HR: variants seen among roughly 807,000 people sequenced by gnomAD.
HR encodes the protein HR lysine demethylase and nuclear receptor corepressor, also known as lysine-specific demethylase hairless.
In HR, 83 loss-of-function variants were observed where a neutral mutation model predicts 128.6. The observed-to-expected ratio is 0.65, with a 90% confidence interval of 0.54 to 0.77. The LOEUF is 0.77. HR is among the 30% of genes least tolerant of loss of function. HR has a pLI of 0.00. For synonymous variants in HR, 681 were observed against 658.2 expected (o/e 1.03, Z -0.53); for missense variants, 1,490 against 1,574.6 (o/e 0.95, Z 0.91).
At chr8:22,118,653 A>C in intron 16 of HR, 2 of 466,858 alleles carry the variant, frequency 4.3e-6, no homozygotes, top group South Asian at 4.9e-5. Context: ...TGAGACGGGT[A>C]ACAGATAATT....
In HR at chr8:22,125,622, C is replaced by T. The variant is rs1470837060; in HGVS notation, c.1516G>A (p.Glu506Lys). Residue 506 changes from glutamate (E) to lysine (K), a missense_variant, in exon 4 of 19, where the codon GAG becomes AAG. By Grantham distance (56) the Glu-to-Lys change is moderately conservative. Around this residue, in one of 3 missense-constraint regions of HR, gnomAD observed 1,060 missense variants for 1,060.9 expected, o/e 1.00. Transcript: ENST00000381418. ...QCQSCAQAAG[E>K]GGGHACHSQQ... ...GAGTGGCAGGCGTGCCCTCCTCCCT[C>T]TCCAGCTGCCTGGGCACAACTTTGG... 1 of 1,608,932 alleles carries T rather than the reference C, an allele frequency of 6.2e-7. No homozygotes were observed. Among genetic ancestry groups the T allele is most frequent in the Non-Finnish European group, 8.5e-7 (1 of 1,178,278 alleles).
chr8:22,129,795 C>T (rs1035653904), intron 1 of HR, among the ~76,000 whole-genome samples: 10 of 151,590 alleles, frequency 6.6e-5, no homozygotes, highest in Non-Finnish European at 1.2e-4. Context: ...CAGCCAGGGC[C>T]GCTGGCTGTG....
Position 22,116,640 on chromosome 8 carries a change from C to A in HR, c.3379-212G>T, listed in dbSNP as rs1043402747. ...AGAGACCCTAAAGTCTCCCTGCGAGCCCCCTGACATCAGCATGCCCAGGAG... is the reference window on the plus strand; with the variant it reads ...AGAGACCCTAAAGTCTCCCTGCGAGACCCCTGACATCAGCATGCCCAGGAG... On this transcript the variant is annotated intron_variant, in intron 17 of 18. Coordinates refer to ENST00000381418, the MANE Select transcript of HR (RefSeq NM_005144.5). The surrounding 1 kb of genome is among the most constrained non-coding windows in gnomAD (Gnocchi z 4.2). 3.3e-5 allele frequency among the ~76,000 whole-genome samples: 5 copies of A among 152,112 alleles called. No homozygotes were observed. Among genetic ancestry groups the A allele is most frequent in the African/African-American group, 1.2e-4 (5 of 41,390 alleles).
intron 11 of HR, 22 bp from the exon 12 acceptor site, chr8:22,120,529 G>C: frequency 6.2e-7 from 1 of 1,613,044 alleles, no homozygotes; most frequent in Non-Finnish European, 8.5e-7. Flanking sequence ...AAGGAAGGAG[G>C]CCATGAGGAG....
rs1323297785 is a variant in HR, at chr8:22,120,099, C to A, written c.2846+5G>T. 6.3e-7 allele frequency: 1 copy of A among 1,583,602 alleles called. No homozygotes were observed. Among genetic ancestry groups the A allele is most frequent in the Non-Finnish European group, 8.6e-7 (1 of 1,165,558 alleles). ...GGTAGGGCTGGCCCTTGGTGACATA[C>A]ACACCTGCTGGTGTCCTCATCCCCC... On this transcript the variant is annotated splice_donor_5th_base_variant and intron_variant, in intron 13 of 18. Coordinates refer to ENST00000381418, the MANE Select transcript of HR (RefSeq NM_005144.5).
rs779110440 is a variant in HR at position 22,121,658 on chromosome 8, G to A, written c.2158C>T (p.Pro720Ser). 3 of 1,614,176 alleles carry A rather than the reference G, an allele frequency of 1.9e-6. 1 individual carries two copies. Among genetic ancestry groups the A allele is most frequent in the Middle Eastern group, 1.7e-4 (1 of 6,060 alleles). ...CTGTGGGTGTCGCCATTGCAGGAAG[G>A]TTGTGGAGTTGGGGGCGTTTTCTGT... ...STQKTPPTPQ[P>S]SCNGDTHRTK... The change falls in exon 9 of 19, where the codon CCT becomes TCT. Residue 720 changes from proline to serine, a missense_variant. By Grantham distance (74) the Pro-to-Ser change is moderately conservative. Around this residue, in one of 3 missense-constraint regions of HR, gnomAD observed 1,060 missense variants for 1,060.9 expected, o/e 1.00. Transcript: ENST00000381418.
intron 7 of HR, 45 bp from the exon 8 acceptor site, chr8:22,122,653 A>G: frequency 2.6e-6 from 4 of 1,531,040 alleles, no homozygotes; most frequent in Non-Finnish European, 3.6e-6. Flanking sequence ...TGGTGAGTGT[A>G]GACCAACAGG....
At chr8:22,123,617 T>TGGGGCCCCCCCC in intron 6 of HR, 32 bp downstream of exon 6, 1 of 292,092 alleles carries the variant, frequency 3.4e-6, no homozygotes, top group Non-Finnish European at 6.2e-6. Context: ...GAGGGCTCCA[T>TGGGGCCCCCCCC]CCCGCCCTCC....
Position 22,115,595 on chromosome 8 carries a change from C to A in HR, c.*105G>T, listed in dbSNP as rs939419430. 6 of 1,007,062 alleles carry A rather than the reference C, an allele frequency of 6.0e-6. No homozygotes were observed. Among genetic ancestry groups the A allele is most frequent in the Non-Finnish European group, 9.3e-6 (6 of 643,128 alleles). 62.4% of individuals were successfully genotyped at this position (1,007,062 alleles called of 1,614,324 possible). ...CCCAGAGTGGTGCTTGTGGGGTTGA[C>A]CAGAAATCCCCAAGTCCCCTAGCGC... On this transcript the variant is annotated 3_prime_UTR_variant, in exon 19 of 19. Transcript: ENST00000381418.
At chr8:22,125,786 C>A in intron 3 of HR, 54 bp from the exon 4 acceptor site, 1 of 1,598,270 alleles carries the variant, frequency 6.3e-7, no homozygotes, top group Non-Finnish European at 8.5e-7. Flanking sequence ...TGCTGAGAAC[C>A]CCATTCCTCA....
rs762771978 is a variant in HR, at chr8:22,120,830, G to A, written c.2496C>T (p.Leu832=). ...PGLRKGLGLP[L]SPVRPRLPPP... ...GAGGCAGCCGGGGCCGCACTGGAGA[G>A]AGGGGCAGGCCCAGGCCCTTGCGCA... The change falls in exon 11 of 19, where the codon CTC becomes CTT. Residue 832 remains leucine, a synonymous_variant. Transcript: ENST00000381418. 1.3e-6 allele frequency: 2 copies of A among 1,551,552 alleles called. No homozygotes were observed. The highest frequency in any genetic ancestry group is 4.9e-5 in the East Asian group (2 of 41,066).
intron 14 of HR, 131 bp from the exon 15 acceptor site, chr8:22,119,414 G>A: frequency 2.3e-6 from 3 of 1,307,946 alleles, no homozygotes; most frequent in Middle Eastern, 1.9e-4. Flanking sequence ...TTTGAGACCA[G>A]CCTCAACATG....
Position 22,120,923 on chromosome 8 carries a change from G to T in HR, c.2403C>A (p.Ile801=). The change falls in exon 11 of 19, where the codon ATC becomes ATA. Residue 801 remains isoleucine (I), a synonymous_variant. Coordinates refer to ENST00000381418, the MANE Select transcript of HR (RefSeq NM_005144.5). ...DRITNILDSI[I]AQVVERKIQE... Reference sequence around the variant, plus strand: ...GGATCTTCCGTTCCACCACCTGTGCGATAATGCTGTCCAGGATGTTGGTGA... The same window carrying T: ...GGATCTTCCGTTCCACCACCTGTGCTATAATGCTGTCCAGGATGTTGGTGA... 6.4e-7 allele frequency: 1 copy of T among 1,572,180 alleles called. No individual in the cohort carries two copies. Among genetic ancestry groups the T allele is most frequent in the Non-Finnish European group, 8.6e-7 (1 of 1,158,350 alleles).
Position 22,115,635 on chromosome 8 carries a change from G to T in HR, c.*65C>A. ...TCCCCTAGCGCCATCCCCTGCTGAAGTTGTGCCTGGGCTGAGCACCTGGTC... is the reference window on the plus strand; with the variant it reads ...TCCCCTAGCGCCATCCCCTGCTGAATTTGTGCCTGGGCTGAGCACCTGGTC... On this transcript the variant is annotated 3_prime_UTR_variant, in exon 19 of 19. Coordinates refer to ENST00000381418, the MANE Select transcript of HR (RefSeq NM_005144.5). 1 of 1,427,942 alleles carries T rather than the reference G, an allele frequency of 7.0e-7. No individual in the cohort carries two copies. Among genetic ancestry groups the T allele is most frequent in the Middle Eastern group, 1.8e-4 (1 of 5,672 alleles). The allele number at this position is 1,427,942 out of a possible 1,614,324, so 88.5% of individuals were successfully genotyped here. A position where few individuals can be genotyped will look rare whatever the true frequency, so the allele number is the denominator to read the frequency against.
At position 22,128,789 on chromosome 8, in the gene HR, C is replaced by A. The variant is rs1036634425; in HGVS notation, c.382G>T (p.Gly128Cys). Residue 128 changes from glycine to cysteine, a missense_variant, in exon 2 of 19, where the codon GGT becomes TGT. Around this residue, in one of 3 missense-constraint regions of HR, gnomAD observed 1,060 missense variants for 1,060.9 expected, o/e 1.00. Coordinates refer to ENST00000381418, the MANE Select transcript of HR (RefSeq NM_005144.5). ...ACAGGGTCACTCTTGAGATGGCCACCACTATGCTCAGGCATCAGGGGGCCA... is the reference window on the plus strand; with the variant it reads ...ACAGGGTCACTCTTGAGATGGCCACAACTATGCTCAGGCATCAGGGGGCCA... ...RCGPLMPEHS[G>C]GHLKSDPVAF... 6.2e-7 allele frequency: 1 copy of A among 1,611,606 alleles called. No homozygotes were observed. Among genetic ancestry groups the A allele is most frequent in the Admixed American group, 1.7e-5 (1 of 59,666 alleles).
chr8:22,125,367 C>G lies in HR; in HGVS notation c.1694G>C (p.Arg565Pro), dbSNP rs139800068. The G allele has an allele frequency of 8.1e-6, 13 of 1,606,782 alleles. No homozygotes were observed. The highest frequency in any genetic ancestry group is 1.0e-5 in the Non-Finnish European group (12 of 1,177,588). Residue 565 changes from arginine to proline, a missense_variant, in exon 5 of 19, where the codon CGA (arginine) becomes CCA (proline). Physicochemically the swap from Arg to Pro is moderately radical, Grantham distance 103. This residue lies in a region of HR where 1,060 missense variants were observed against 1,060.9 expected (regional missense o/e 1.00). Coordinates refer to ENST00000381418, the MANE Select transcript of HR (RefSeq NM_005144.5). The part of the protein sequence containing the change: ...AKHLLSGLGD[R>P]LCRLLRRERE... Reference sequence around the variant, plus strand: ...CTCCCTCCGCAGCAGGCGGCACAGTCGGTCCCCCAAACCACTGAGCAGGTG... The same window carrying G: ...CTCCCTCCGCAGCAGGCGGCACAGTGGGTCCCCCAAACCACTGAGCAGGTG...
At chr8:22,118,874 C>G (rs75600662) in intron 16 of HR, 76 bp downstream of exon 16, 18 of 1,278,154 alleles carry the variant, frequency 1.4e-5, no homozygotes, top group Non-Finnish European at 2.0e-5. Flanking sequence ...CACATGGGAC[C>G]GCACACTGGG....
intron 11 of HR, 67 bp from the exon 12 acceptor site, chr8:22,120,574 C>A: frequency 1.9e-6 from 3 of 1,604,682 alleles, no homozygotes; most frequent in Non-Finnish European, 1.7e-6. Flanking sequence ...CAGGCAAGGG[C>A]GTGTTGTAAG....
Position 22,115,177 on chromosome 8 carries a change from C to A in HR, c.*523G>T. On this transcript the variant is annotated 3_prime_UTR_variant, in exon 19 of 19. Coordinates refer to ENST00000381418, the MANE Select transcript of HR (RefSeq NM_005144.5). ...CTCCCTCCGCCAAGCCTGAGCAGCT[C>A]CTGATGCCACCCTCTCCTCACACTC... is the stretch of plus-strand genomic sequence containing the variant. 5.4e-6 allele frequency: 1 copy of A among 186,794 alleles called. No individual in the cohort carries two copies. The allele number at this position is 186,794 out of a possible 1,614,324, so 11.6% of individuals were successfully genotyped here.
Sources: gnomAD v4.1 joint callset for allele counts (sites outside exome capture counted in the v4.1 genomes callset) on GRCh38, gnomAD v4.1.1 for gene constraint, gnomAD v4.1.1 regional missense constraint, Gnocchi (gnomAD v3.1) non-coding constraint, MANE v1.5 for transcripts, NCBI Gene and HGNC (gene_info 2026-07-23, HGNC 2026-07-21) for gene names.